PML: variants seen among roughly 807,000 people sequenced by gnomAD.
PML encodes protein PML.
PML carries 28 observed loss-of-function variants against 65.2 expected under a neutral mutation model. The observed-to-expected ratio is 0.43, with a 90% CI of 0.32 to 0.59. The LOEUF is 0.59. Among genes scored for constraint, PML ranks in the 20% least tolerant of loss-of-function variants. PML has a pLI of 0.08. For synonymous variants in PML, 500 were observed against 508.8 expected, an observed-to-expected ratio of 0.98 and a Z score of 0.23; for missense variants, 1,021 against 1,203.4, an observed-to-expected ratio of 0.85 and a Z score of 2.24.
intron 7 of PML, among the ~76,000 whole-genome samples, chr15:74,041,723 G>A (rs1264736928): frequency 6.6e-6 from 1 of 152,254 alleles, no homozygotes; most frequent in Admixed American, 6.5e-5. Context: ...CTCAGTTGAA[G>A]CTTGGTTGGA....
At position 74,045,667 on chromosome 15, in the gene PML, G is replaced by C. The variant is rs2141899360; in HGVS notation, c.*659G>C. On this transcript the variant is annotated 3_prime_UTR_variant, in exon 9 of 9. Transcript: ENST00000268058. ...TTGCTTCCTTCCTCCTGGCTGCACA[G>C]ACACCTCTGCTTGGCCACAGCTTTG... is the stretch of plus-strand genomic sequence containing the variant. The C allele has an allele frequency of 4.3e-6, 1 of 233,974 alleles. No individual in the cohort carries two copies. Among genetic ancestry groups the C allele is most frequent in the African/African-American group, 2.2e-5 (1 of 45,452 alleles). The allele number at this position is 233,974 out of a possible 1,614,324, so 14.5% of individuals were successfully genotyped here.
intron 2 of PML, among the ~76,000 whole-genome samples, chr15:74,010,121 C>T (rs2070252814): frequency 6.6e-6 from 1 of 151,642 alleles, no homozygotes; most frequent in African/African-American, 2.4e-5. Flanking sequence ...CCAAGTTATC[C>T]TCCCACCTCA....
chr15:73,994,997 GAGAGGCGGGA>G, intron 1 of PML, 56 bp downstream of exon 1: 1 of 1,446,424 alleles, frequency 6.9e-7, no homozygotes, highest in Non-Finnish European at 9.3e-7. Context: ...CTGTGGTGGG[GAGAGGCGGGA>G]AGAGAGGGTC....
chr15:74,047,208 G>A lies in PML; in HGVS notation c.*2200G>A, dbSNP rs1416220457. 3.0e-5 allele frequency: 7 copies of A among 231,090 alleles called. No homozygotes were observed. Among genetic ancestry groups the A allele is most frequent in the African/African-American group, 8.8e-5 (4 of 45,208 alleles). 14.3% of individuals were successfully genotyped at this position (231,090 alleles called of 1,614,324 possible). On this transcript the variant is annotated 3_prime_UTR_variant, in exon 9 of 9. Transcript: ENST00000268058. Reference sequence around the variant, plus strand: ...TGGTAAAACCCTTAAAAAGGGAGGTGTGGGAGGCCCAGGACTTTGGTAACA... The same window carrying A: ...TGGTAAAACCCTTAAAAAGGGAGGTATGGGAGGCCCAGGACTTTGGTAACA...
At chr15:74,024,682 G>A (rs923779144) in intron 3 of PML, among the ~76,000 whole-genome samples, 175 bp from the exon 4 acceptor site, 3 of 152,292 alleles carry the variant, frequency 2.0e-5, no homozygotes, top group South Asian at 2.1e-4. Flanking sequence ...CACTGCATTC[G>A]AGAGAGCTCT....
At chr15:74,019,312 C>A (rs1012798128) in intron 2 of PML, among the ~76,000 whole-genome samples, 1 of 152,224 alleles carries the variant, frequency 6.6e-6, no homozygotes, top group Non-Finnish European at 1.5e-5. Flanking sequence ...GGAAGGGGAT[C>A]CAACATCAGA....
intron 2 of PML, 45 bp from the exon 3 acceptor site, chr15:74,022,783 A>G (rs745634577): frequency 1.3e-6 from 2 of 1,504,532 alleles, no homozygotes; most frequent in South Asian, 1.1e-5. Context: ...TTAAGAGGAA[A>G]AAGTCAGGAG....
intron 3 of PML, among the ~76,000 whole-genome samples, chr15:74,024,097 A>G (rs1346817839): frequency 1.3e-5 from 2 of 152,070 alleles, no homozygotes; most frequent in Non-Finnish European, 2.9e-5. Flanking sequence ...GGGGCTTTCA[A>G]AATAAGGGGT....
rs777150218 is a variant in PML at position 74,047,612 on chromosome 15, C to T, written c.*2604C>T. ...GGCCCTCTTTGGCACATTAACCTCC[C>T]TCCTTGATCCTCAGGCTGCACCTCT... On this transcript the variant is annotated 3_prime_UTR_variant, in exon 9 of 9. Transcript: ENST00000268058. 5 of 210,508 alleles carry T rather than the reference C, an allele frequency of 2.4e-5. No individual in the cohort carries two copies. The highest frequency in any genetic ancestry group is 4.8e-5 in the Non-Finnish European group (5 of 103,840). 13.0% of individuals were successfully genotyped at this position (210,508 alleles called of 1,614,324 possible).
rs2071765519 is a variant in PML, at chr15:74,045,864, T to C, written c.*856T>C. 4.3e-6 allele frequency: 1 copy of C among 232,108 alleles called. No homozygotes were observed. Among genetic ancestry groups the C allele is most frequent in the Admixed American group, 5.6e-5 (1 of 17,730 alleles). 14.4% of individuals were successfully genotyped at this position (232,108 alleles called of 1,614,324 possible). The stretch of plus-strand genomic sequence containing the variant: ...CTTAGAAATGCAGACCTGTGGGCTC[T>C]ACCACAGGCCTCTGGAATCAGAATC... On this transcript the variant is annotated 3_prime_UTR_variant, in exon 9 of 9. Transcript: ENST00000268058.
chr15:74,033,405 G>C lies in PML; in HGVS notation c.1648G>C (p.Gly550Arg). 6.2e-7 allele frequency: 1 copy of C among 1,612,134 alleles called. No individual in the cohort carries two copies. The highest frequency in any genetic ancestry group is 1.1e-5 in the South Asian group (1 of 91,058). Residue 550 changes from glycine (G) to arginine (R), a missense_variant, in exon 6 of 9, where the codon GGG becomes CGG. Physicochemically the swap from Gly to Arg is moderately radical, Grantham distance 125 (BLOSUM62 -2). Transcript: ENST00000268058. ...CAGCAACCACGTGGCCAGTGGCGCCGGGGAGGCAGGTAGGGAGGTGGGTAG... is the reference window on the plus strand; with the variant it reads ...CAGCAACCACGTGGCCAGTGGCGCCCGGGAGGCAGGTAGGGAGGTGGGTAG... Reference protein sequence around the residue: ...PNSNHVASGAGEAEERVVVIS... With the variant: ...PNSNHVASGAREAEERVVVIS...
Position 74,036,001 on chromosome 15 carries a change from C to T in PML, c.1710+1471C>T, listed in dbSNP as rs199725271. 140 of 1,614,160 alleles carry T rather than the reference C, an allele frequency of 8.7e-5. 1 individual carries two copies. The highest frequency in any genetic ancestry group is 7.0e-4 in the South Asian group (64 of 91,092). Reference sequence around the variant, plus strand: ...TTGCAGCCAACACCCCTGCCCGGCCCCTGAGCTGCCTCCTCCAGCCCATGC... The same window carrying T: ...TTGCAGCCAACACCCCTGCCCGGCCTCTGAGCTGCCTCCTCCAGCCCATGC... On this transcript the variant is annotated intron_variant, in intron 7 of 8. Transcript: ENST00000268058.
chr15:73,998,275 A>C lies in PML; in HGVS notation c.401A>C (p.Glu134Ala). Residue 134 changes from glutamate to alanine, a missense_variant, in exon 2 of 9, where the codon GAG becomes GCG. Glu to Ala is a moderately radical substitution (Grantham distance 107). Transcript: ENST00000268058. Reference sequence around the variant, plus strand: ...CAGGCTGTGTGCACCCGCTGCAAAGAGTCGGCCGACTTCTGGTGCTTTGAG... The same window carrying C: ...CAGGCTGTGTGCACCCGCTGCAAAGCGTCGGCCGACTTCTGGTGCTTTGAG... ...DAQAVCTRCK[E>A]SADFWCFECE... 1 of 1,614,188 alleles carries C rather than the reference A, an allele frequency of 6.2e-7. No individual in the cohort carries two copies. Among genetic ancestry groups the C allele is most frequent in the Non-Finnish European group, 8.5e-7 (1 of 1,180,034 alleles).
At chr15:74,010,611 CCAGA>C (rs1567123180) in intron 2 of PML, among the ~76,000 whole-genome samples, 1 of 152,048 alleles carries the variant, frequency 6.6e-6, no homozygotes, top group East Asian at 1.9e-4. Flanking sequence ...CGCCAGCCAG[CCAGA>C]CAGCCATTGA....
chr15:74,033,719 G>A, intron 6 of PML: 1 of 617,518 alleles, frequency 1.6e-6, no homozygotes, highest in Non-Finnish European at 2.9e-6. Context: ...TTTGTTGGCT[G>A]ATGCCTAGCA....
intron 2 of PML, among the ~76,000 whole-genome samples, chr15:73,999,938 C>T (rs1019611979): frequency 6.6e-6 from 1 of 150,772 alleles, no homozygotes; most frequent in African/African-American, 2.4e-5. Flanking sequence ...GGGTTCACGC[C>T]ATTTTCCTGC....
rs1332421251 is a variant in PML at position 74,035,819 on chromosome 15, TG to T, written c.1710+1290del. On this transcript the variant is annotated intron_variant, in intron 7 of 8. Transcript: ENST00000268058. This position sits in a 1 kb window ranked among gnomAD's most constrained non-coding sequence, Gnocchi z 4.1. ...GAGCAGGTGTTCCCCCTGGGGACTCTGTCAGAGGCTCCATGGAGGCCTCTCA... is the reference window on the plus strand; with the variant it reads ...GAGCAGGTGTTCCCCCTGGGGACTCTTCAGAGGCTCCATGGAGGCCTCTCA... 3.1e-6 allele frequency: 5 copies of T among 1,614,020 alleles called. No individual in the cohort carries two copies. In the East Asian group the frequency reaches 1.1e-4, roughly 36 times the overall value.
rs937867488 is a variant in PML, at chr15:74,023,369, C to A, written c.1144C>A (p.Arg382Ser). 1.9e-6 allele frequency: 3 copies of A among 1,600,292 alleles called. No individual in the cohort carries two copies. In the Admixed American group the frequency reaches 5.0e-5, roughly 27 times the overall value. ...CGATGGCTTCGACGAGTTCAAGGTG[C>A]GCCTGCAGGACCTCAGCTCTTGCAT... ...RTDGFDEFKV[R>S]LQDLSSCITQ... Residue 382 changes from arginine to serine, a missense_variant, in exon 3 of 9, where the codon CGC (arginine) becomes AGC (serine). Physicochemically the swap from Arg to Ser is moderately radical, Grantham distance 110. Coordinates refer to ENST00000268058, the MANE Select transcript of PML (RefSeq NM_033238.3).
In PML at chr15:74,045,190, G is replaced by A; in HGVS notation, c.*182G>A. The A allele has an allele frequency of 3.2e-6, 2 of 622,682 alleles. No homozygotes were observed. Among genetic ancestry groups the A allele is most frequent in the African/African-American group, 1.8e-5 (1 of 54,400 alleles). 38.6% of individuals were successfully genotyped at this position (622,682 alleles called of 1,614,324 possible). On this transcript the variant is annotated 3_prime_UTR_variant, in exon 9 of 9. Coordinates refer to ENST00000268058, the MANE Select transcript of PML (RefSeq NM_033238.3). The stretch of plus-strand genomic sequence containing the variant: ...CTTCTCTAAACATCCTACAGAGAAG[G>A]TTCCAAAGCTGAGCACCCATCACCC...
Sources: allele counts gnomAD v4.1 joint callset (sites outside exome capture counted in the v4.1 genomes callset), GRCh38; gene constraint gnomAD v4.1.1; non-coding constraint Gnocchi (gnomAD v3.1); transcripts MANE v1.5; gene names NCBI Gene and HGNC (gene_info 2026-07-23, HGNC 2026-07-21).